Variants in R3HDM1 observed in about 807,000 individuals in gnomAD.
R3HDM1 encodes R3H domain containing 1.
Under a neutral mutation model 141.1 loss-of-function variants are expected in R3HDM1, and 46 were observed. The ratio of observed to expected loss-of-function variants is 0.33; its 90% CI spans 0.26 to 0.42. The LOEUF (loss-of-function observed/expected upper bound fraction) is 0.42, where lower values mean the gene tolerates loss of function less well. Ranked by LOEUF, R3HDM1 falls within the 10% of genes least tolerant of loss-of-function variation. The probability of loss-of-function intolerance (pLI) is 1.00; values close to 1 mark genes in which losing one functional copy is unlikely to be tolerated. For missense variants in R3HDM1, 1,184 were observed against 1,368.3 expected (o/e 0.87, Z 2.12); for synonymous variants, 435 against 472.9 (o/e 0.92, Z 1.04).
chr2:135,599,621 A>G (rs2059460138), intron 1 of R3HDM1, among the ~76,000 whole-genome samples: 1 of 152,182 alleles, frequency 6.6e-6, no homozygotes. Flanking sequence ...GCAAACTGAG[A>G]AGTGTAGGCT....
intron 19 of R3HDM1, chr2:135,669,432 CATT>C: frequency 1.0e-6 from 1 of 983,904 alleles, no homozygotes; most frequent in Non-Finnish European, 1.2e-6. Context: ...TGTTGATTGA[CATT>C]ATTTCCAGTA....
At chr2:135,554,396 C>T (rs774759693) in intron 1 of R3HDM1, among the ~76,000 whole-genome samples, 3 of 152,124 alleles carry the variant, frequency 2.0e-5, no homozygotes, top group Admixed American at 6.6e-5. Flanking sequence ...GGATATATGA[C>T]GTTTTATTCA....
chr2:135,626,208 C>CAT (rs56749430), intron 7 of R3HDM1, among the ~76,000 whole-genome samples: 1 of 103,668 alleles, frequency 9.6e-6, no homozygotes, highest in African/African-American at 5.1e-5. Context: ...TGCGTGCGTG[C>CAT]GTGCTTGCTT....
chr2:135,656,014 A>T (rs1297809854), intron 18 of R3HDM1, among the ~76,000 whole-genome samples: 1 of 152,154 alleles, frequency 6.6e-6, no homozygotes, highest in Non-Finnish European at 1.5e-5. Context: ...TCTGGTCATC[A>T]TTGATTTCAT....
intron 19 of R3HDM1, among the ~76,000 whole-genome samples, chr2:135,664,448 C>T (rs761213909): frequency 6.6e-6 from 1 of 151,830 alleles, no homozygotes; most frequent in Non-Finnish European, 1.5e-5. Context: ...CACTGTGGCA[C>T]AAGTAATGTT....
intron 1 of R3HDM1, among the ~76,000 whole-genome samples, chr2:135,551,374 A>G (rs1238948982): frequency 6.6e-6 from 1 of 152,258 alleles, no homozygotes; most frequent in Non-Finnish European, 1.5e-5. Context: ...TAAGTAGTTT[A>G]AAACTATTCG....
intron 1 of R3HDM1, among the ~76,000 whole-genome samples, chr2:135,549,561 CAAAAAAAAAAA>C (rs1236257586): frequency 1.5e-5 from 1 of 67,480 alleles, no homozygotes; most frequent in Non-Finnish European, 3.3e-5. Flanking sequence ...AACTCTGCCT[CAAAAAAAAAAA>C]AAAAAAAAAC....
At chr2:135,664,016 A>G (rs1486991376) in intron 19 of R3HDM1, among the ~76,000 whole-genome samples, 1 of 144,860 alleles carries the variant, frequency 6.9e-6, no homozygotes, top group Admixed American at 7.1e-5. Context: ...CCTGGGCAAC[A>G]GAGTGAGACT....
At chr2:135,697,002 T>A (rs2073343103) in intron 21 of R3HDM1, among the ~76,000 whole-genome samples, 1 of 152,156 alleles carries the variant, frequency 6.6e-6, no homozygotes, top group African/African-American at 2.4e-5. Context: ...AAAGTGTTTT[T>A]TTCAAAAAGC....
At chr2:135,676,284 T>C (rs1240605334) in intron 20 of R3HDM1, among the ~76,000 whole-genome samples, 5 of 143,530 alleles carry the variant, frequency 3.5e-5, no homozygotes, top group Non-Finnish European at 7.6e-5. Context: ...ACCACTGCAC[T>C]CCAGCCTGGG....
intron 1 of R3HDM1, chr2:135,590,656 C>T (rs1709050467): frequency 1.0e-6 from 1 of 985,240 alleles, no homozygotes; most frequent in African/African-American, 1.7e-5. Flanking sequence ...GCTAGCTCTA[C>T]ATGTATAGTA....
At chr2:135,654,477 G>A (rs892526939) in intron 18 of R3HDM1, among the ~76,000 whole-genome samples, 2 of 151,336 alleles carry the variant, frequency 1.3e-5, no homozygotes, top group African/African-American at 4.9e-5. Context: ...TTGAGACAGA[G>A]TCTCTTTGTT....
chr2:135,705,930 C>A (rs1488388730), intron 21 of R3HDM1, among the ~76,000 whole-genome samples: 1 of 152,040 alleles, frequency 6.6e-6, no homozygotes, highest in Non-Finnish European at 1.5e-5. Flanking sequence ...GAGATCGAGA[C>A]CATCCTGGCT....
At chr2:135,645,007 A>G (rs1464562871) in intron 15 of R3HDM1, among the ~76,000 whole-genome samples, 1 of 152,140 alleles carries the variant, frequency 6.6e-6, no homozygotes, top group Non-Finnish European at 1.5e-5. Flanking sequence ...ATTTGAACCC[A>G]GGAGACAGAG....
chr2:135,622,391 A>C (rs928073382), intron 6 of R3HDM1: 2 of 984,360 alleles, frequency 2.0e-6, no homozygotes, highest in African/African-American at 1.7e-5. Context: ...ATTTAGAGGA[A>C]ATTAAACAGA....
At chr2:135,565,322 A>ATT (rs1702515918) in intron 1 of R3HDM1, among the ~76,000 whole-genome samples, 2 of 143,164 alleles carry the variant, frequency 1.4e-5, no homozygotes, top group African/African-American at 5.2e-5. Flanking sequence ...AATGAAAAAA[A>ATT]ATTATTATTA....
chr2:135,541,573 A>T (rs1355311632), intron 1 of R3HDM1, among the ~76,000 whole-genome samples: 1 of 152,040 alleles, frequency 6.6e-6, no homozygotes, highest in Non-Finnish European at 1.5e-5. Flanking sequence ...GGGAGAAGAG[A>T]TGGGGTATCA....
chr2:135,548,258 TACTC>T (rs1699148813), intron 1 of R3HDM1, among the ~76,000 whole-genome samples: 1 of 152,212 alleles, frequency 6.6e-6, no homozygotes, highest in South Asian at 2.1e-4. Context: ...TTTGATAAAT[TACTC>T]AATTTTACAG....
chr2:135,686,613 G>A (rs570102530), intron 21 of R3HDM1, among the ~76,000 whole-genome samples: 1 of 152,284 alleles, frequency 6.6e-6, no homozygotes, highest in East Asian at 1.9e-4. Flanking sequence ...ACAAATACCT[G>A]TGAAGCTAGT....
Sources: gnomAD v4.1 joint callset for allele counts (sites outside exome capture counted in the v4.1 genomes callset) on GRCh38, gnomAD v4.1.1 for gene constraint, MANE v1.5 for transcripts, NCBI Gene and HGNC (gene_info 2026-07-23, HGNC 2026-07-21) for gene names.